The following H2AZ2 variants were observed in gnomAD, a reference collection of about 807,000 sequenced individuals.
H2AZ2 encodes histone H2A.V.
In H2AZ2, 5 loss-of-function variants were observed where a neutral mutation model predicts 15.5. The observed-to-expected ratio is 0.32, with a 90% CI of 0.17 to 0.68. The LOEUF (loss-of-function observed/expected upper bound fraction) is 0.68. Among genes scored for constraint, H2AZ2 ranks in the 30% least tolerant of loss-of-function variants. The pLI is 0.72. For synonymous variants in H2AZ2, 44 were observed against 57.4 expected (o/e 0.77, Z 1.05); for missense variants, 42 against 162.5 (o/e 0.26, Z 4.03).
At chr7:44,835,497 A>G (rs779012278) in intron 4 of H2AZ2, 32 bp downstream of exon 4, 10 of 1,594,084 alleles carry the variant, frequency 6.3e-6, no homozygotes, top group Admixed American at 1.7e-5. Context: ...AGAAAGACCA[A>G]TAAGAATCAA....
downstream of H2AZ2, among the ~76,000 whole-genome samples, chr7:44,831,537 C>CT (rs1332521540): frequency 6.6e-6 from 1 of 151,968 alleles, no homozygotes; most frequent in East Asian, 1.9e-4. Flanking sequence ...CACTCCCCCC[C>CT]CCGCTTCTTT....
At position 44,840,998 on chromosome 7, in the gene H2AZ2, G is replaced by A; in HGVS notation, c.96C>T (p.Arg32=). The change falls in exon 3 of 5, where the codon CGC becomes CGT. Residue 32 remains arginine, a synonymous_variant. Transcript: ENST00000308153. ...QRAGLQFPVG[R]IHRHLKTRTT... ...TGCGAGTCTTCAAGTGTCTGTGGAT[G>A]CGGCCCACAGGAAACTAAAAGAGAG... 6.2e-7 allele frequency: 1 copy of A among 1,613,728 alleles called. No homozygotes were observed. The highest frequency in any genetic ancestry group is 8.5e-7 in the Non-Finnish European group (1 of 1,179,684).
chr7:44,830,192 A>C, downstream of H2AZ2: 1 of 1,610,592 alleles, frequency 6.2e-7, no homozygotes. Context: ...ACAAATAGAG[A>C]ATAAAAACAG....
intron 1 of H2AZ2, among the ~76,000 whole-genome samples, 182 bp downstream of exon 1, chr7:44,847,787 G>T (rs566760719): frequency 1.3e-5 from 2 of 152,108 alleles, no homozygotes; most frequent in Non-Finnish European, 2.9e-5. Flanking sequence ...GCTCTCACCC[G>T]GGGACCCGTG....
intron 2 of H2AZ2, 48 bp downstream of exon 2, chr7:44,843,229 T>C (rs760132152): frequency 4.3e-6 from 5 of 1,158,084 alleles, no homozygotes; most frequent in Non-Finnish European, 4.8e-6. Flanking sequence ...GGTCATAAAT[T>C]ACAACAGTAA....
At chr7:44,840,549 T>C (rs1200533662) in intron 3 of H2AZ2, among the ~76,000 whole-genome samples, 1 of 152,168 alleles carries the variant, frequency 6.6e-6, no homozygotes, top group Non-Finnish European at 1.5e-5. Context: ...GGCAGGTAGA[T>C]CACCTGAGGT....
At chr7:44,828,446 C>T (rs1792955010), downstream of H2AZ2, 1 of 152,158 alleles carries the variant, frequency 6.6e-6, no homozygotes, top group Admixed American at 6.6e-5. Context: ...AGGAACTGTG[C>T]TAAGTGTCTT....
At chr7:44,847,889 C>T (rs1378505701) in intron 1 of H2AZ2, 80 bp downstream of exon 1, 15 of 1,526,328 alleles carry the variant, frequency 9.8e-6, no homozygotes, top group Non-Finnish European at 7.9e-6. Context: ...CCCGACTCCA[C>T]AGGTAGCGGC....
chr7:44,847,869 C>A, intron 1 of H2AZ2, 100 bp downstream of exon 1: 1 of 1,497,936 alleles, frequency 6.7e-7, no homozygotes, highest in Admixed American at 2.1e-5. Flanking sequence ...AGCCCAGACA[C>A]CCGCAAACTC....
chr7:44,835,612 C>T lies in H2AZ2; in HGVS notation c.242G>A (p.Arg81His). The T allele has an allele frequency of 6.2e-7, 1 of 1,612,998 alleles. No homozygotes were observed. The highest frequency in any genetic ancestry group is 8.5e-7 in the Non-Finnish European group (1 of 1,179,414). The change falls in exon 4 of 5, where the codon CGT (arginine) becomes CAT (histidine). Residue 81 changes from arginine to histidine, a missense_variant. By Grantham distance (29) the Arg-to-His change is conservative. Coordinates refer to ENST00000308153, the MANE Select transcript of H2AZ2 (RefSeq NM_012412.5). Reference sequence around the variant, plus strand: ...AAGCTGCAAGTGACGCGGAGTGATACGCTTTACTTTGAGATCCTTAGAAGC... The same window carrying T: ...AAGCTGCAAGTGACGCGGAGTGATATGCTTTACTTTGAGATCCTTAGAAGC... ...GNASKDLKVKRITPRHLQLAI... is the reference protein window; with the variant it reads ...GNASKDLKVKHITPRHLQLAI...
chr7:44,836,714 C>T (rs1253149849), intron 3 of H2AZ2, among the ~76,000 whole-genome samples: 3 of 151,080 alleles, frequency 2.0e-5, no homozygotes, highest in South Asian at 4.3e-4. Flanking sequence ...GATGGGGTTT[C>T]GGCTAGGCGC....
intron 3 of H2AZ2, among the ~76,000 whole-genome samples, chr7:44,836,643 G>A (rs970185622): frequency 6.6e-6 from 1 of 151,896 alleles, no homozygotes; most frequent in Non-Finnish European, 1.5e-5. Flanking sequence ...TCAGCCTCCC[G>A]AGTAGCTGGG....
intron 1 of H2AZ2, among the ~76,000 whole-genome samples, chr7:44,846,791 C>T (rs933506805): frequency 1.3e-5 from 2 of 151,832 alleles, no homozygotes; most frequent in Non-Finnish European, 2.9e-5. Flanking sequence ...ATAAACTATA[C>T]GTGAGACGTT....
At chr7:44,846,344 G>A (rs1317218353) in intron 1 of H2AZ2, among the ~76,000 whole-genome samples, 2 of 152,068 alleles carry the variant, frequency 1.3e-5, no homozygotes, top group Admixed American at 6.6e-5. Context: ...TTGGCCGTGC[G>A]CGGTGGCTCA....
Position 44,833,834 on chromosome 7 carries a change from T to G in H2AZ2, c.*667A>C. 7 of 358,358 alleles carry G rather than the reference T, an allele frequency of 2.0e-5. No individual in the cohort carries two copies. Among genetic ancestry groups the G allele is most frequent in the African/African-American group, 2.2e-5 (1 of 45,138 alleles). The allele number at this position is 358,358 out of a possible 1,614,324, so 22.2% of individuals were successfully genotyped here. Reference sequence around the variant, plus strand: ...CTGTGACCCTTAGGCTCCACATCTATAATGTGGCAGCAACAACTTTCTTGG... The same window carrying G: ...CTGTGACCCTTAGGCTCCACATCTAGAATGTGGCAGCAACAACTTTCTTGG... On this transcript the variant is annotated 3_prime_UTR_variant, in exon 5 of 5. Transcript: ENST00000308153.
Position 44,848,006 on chromosome 7 carries a change from G to C in H2AZ2, c.-35C>G, listed in dbSNP as rs545973573. The stretch of plus-strand genomic sequence containing the variant: ...GCCGACTCCGCCTCCGCTCGGCCGC[G>C]CGCCCTCCCGCTGCCGACCCGCGCC... On this transcript the variant is annotated 5_prime_UTR_variant, in exon 1 of 5. Transcript: ENST00000308153. 1.6e-3 allele frequency: 2,096 copies of C among 1,306,018 alleles called. 27 individuals are homozygous for C. In the African/African-American group the frequency reaches 0.03, roughly 18 times the overall value. 80.9% of individuals were successfully genotyped at this position (1,306,018 alleles called of 1,614,324 possible).
At chr7:44,835,055 A>G (rs540813808) in intron 4 of H2AZ2, 3 of 164,352 alleles carry the variant, frequency 1.8e-5, no homozygotes, top group African/African-American at 7.2e-5. Flanking sequence ...AAGTGCTGAG[A>G]TTACAGGTGT....
chr7:44,830,217 A>AG, downstream of H2AZ2: 1 of 1,547,210 alleles, frequency 6.5e-7, no homozygotes, highest in South Asian at 1.1e-5. Flanking sequence ...CAAATAAATA[A>AG]GGGCCATCTC....
chr7:44,828,504 C>T (rs1337314277), downstream of H2AZ2: 1 of 152,182 alleles, frequency 6.6e-6, no homozygotes, highest in African/African-American at 2.4e-5. Flanking sequence ...ACTATCATCA[C>T]CACTTTAAGG....
Sources: allele counts gnomAD v4.1 joint callset (sites outside exome capture counted in the v4.1 genomes callset), GRCh38; gene constraint gnomAD v4.1.1; transcripts MANE v1.5; gene names NCBI Gene and HGNC (gene_info 2026-07-23, HGNC 2026-07-21).